USP32: variants seen among roughly 807,000 people sequenced by gnomAD.
USP32 encodes ubiquitin specific peptidase 32.
A neutral mutation model predicts 204.8 loss-of-function variants in USP32; 59 were observed. The ratio of observed to expected loss-of-function variants is 0.29; its 90% CI spans 0.23 to 0.36. USP32 has a LOEUF of 0.36. USP32 is among the 10% of genes least tolerant of loss of function. The probability of loss-of-function intolerance (pLI) is 1.00; values close to 1 mark genes in which losing one functional copy is unlikely to be tolerated. For missense variants in USP32, 1,160 were observed against 1,946.4 expected, an observed-to-expected ratio of 0.60 and a Z score of 7.60; for synonymous variants, 517 against 678.4, an observed-to-expected ratio of 0.76 and a Z score of 3.70.
chr17:60,299,726 C>G (rs1240339959), intron 3 of USP32, among the ~76,000 whole-genome samples: 1 of 152,182 alleles, frequency 6.6e-6, no homozygotes, highest in Non-Finnish European at 1.5e-5. Flanking sequence ...AGTCTCAGGG[C>G]AGCAGCTTAG....
At chr17:60,187,527 T>C (rs2084280651) in intron 29 of USP32, among the ~76,000 whole-genome samples, 1 of 152,212 alleles carries the variant, frequency 6.6e-6, no homozygotes, top group Non-Finnish European at 1.5e-5. Flanking sequence ...TCATATACGG[T>C]AGTGTTTCCT....
At chr17:60,289,293 C>T (rs979731788) in intron 4 of USP32, among the ~76,000 whole-genome samples, 2 of 152,340 alleles carry the variant, frequency 1.3e-5, no homozygotes, top group South Asian at 2.1e-4. Context: ...CAGGCATGAG[C>T]CACCGTGCCC....
At chr17:60,369,034 G>A (rs1033904323) in intron 1 of USP32, among the ~76,000 whole-genome samples, 4 of 115,958 alleles carry the variant, frequency 3.4e-5, no homozygotes, top group African/African-American at 1.4e-4. Flanking sequence ...TCGCTCTGTC[G>A]CCCAGGCTGG....
upstream of USP32, among the ~76,000 whole-genome samples, chr17:60,394,753 TA>T (rs1328405187): frequency 6.6e-6 from 1 of 152,138 alleles, no homozygotes; most frequent in Admixed American, 6.6e-5. Context: ...TTTATTTATT[TA>T]TTTTTTTGAG....
chr17:60,240,387 C>T (rs749709123), intron 11 of USP32, among the ~76,000 whole-genome samples: 66 of 151,108 alleles, frequency 4.4e-4, no homozygotes, highest in Non-Finnish European at 8.0e-4. Context: ...CACTTGTGTT[C>T]GAAGAGCTAG....
At chr17:60,421,845 G>C (rs2090120466) in intron 1 of USP32, 1 of 985,226 alleles carries the variant, frequency 1.0e-6, no homozygotes, top group Admixed American at 6.1e-5. Context: ...CCGCCTGGTG[G>C]CTGCGCACAC....
chr17:60,291,577 A>G (rs1403331488), intron 4 of USP32, among the ~76,000 whole-genome samples: 1 of 150,678 alleles, frequency 6.6e-6, no homozygotes, highest in Non-Finnish European at 1.5e-5. Context: ...GTGTGTATAA[A>G]CACAAAAACA....
At chr17:60,273,446 G>T (rs2145795715) in intron 5 of USP32, among the ~76,000 whole-genome samples, 1 of 152,220 alleles carries the variant, frequency 6.6e-6, no homozygotes, top group African/African-American at 2.4e-5. Flanking sequence ...CTAGAGTAAA[G>T]GCTACTCTAA....
At chr17:60,380,290 G>A (rs1244419076) in intron 1 of USP32, among the ~76,000 whole-genome samples, 1 of 152,222 alleles carries the variant, frequency 6.6e-6, no homozygotes, top group Non-Finnish European at 1.5e-5. Context: ...AAAGAAGCTA[G>A]GTGCAGTGGC....
chr17:60,345,654 G>T, intron 1 of USP32, 46 bp from the exon 2 acceptor site: 2 of 1,611,866 alleles, frequency 1.2e-6, no homozygotes, highest in Non-Finnish European at 1.7e-6. Context: ...GGAGAGAAAA[G>T]AGGTGTCTCA....
chr17:60,296,162 A>G (rs1201626203), intron 3 of USP32, among the ~76,000 whole-genome samples: 1 of 152,210 alleles, frequency 6.6e-6, no homozygotes, highest in Admixed American at 6.5e-5. Flanking sequence ...GTTAAGAAAT[A>G]GTTAAGCTAG....
At chr17:60,277,893 TA>T (rs60396534) in intron 5 of USP32, among the ~76,000 whole-genome samples, 1 of 148,620 alleles carries the variant, frequency 6.7e-6, no homozygotes, top group South Asian at 2.1e-4. Flanking sequence ...ATATGACTAT[TA>T]AAAAAATAAC....
chr17:60,179,342 T>A lies in USP32; in HGVS notation c.4728A>T (p.Pro1576=). The change falls in exon 34 of 34, where the codon CCA becomes CCT. Residue 1576 remains proline, a synonymous_variant. Transcript: ENST00000300896. ...QQGIDYAQFL[P]KTDGKKMADT... ...CTGCCATCTTTTTGCCATCAGTCTT[T>A]GGCAGAAATTGTGCATAGTCTATCC... 1 of 1,613,882 alleles carries A rather than the reference T, an allele frequency of 6.2e-7. No homozygotes were observed. Among genetic ancestry groups the A allele is most frequent in the Non-Finnish European group, 8.5e-7 (1 of 1,179,866 alleles).
At chr17:60,214,534 A>C (rs1567772816) in intron 17 of USP32, 86 bp downstream of exon 17, 2 of 1,300,644 alleles carry the variant, frequency 1.5e-6, no homozygotes. Flanking sequence ...GGAACAATAC[A>C]AAGAAGTTTA....
At chr17:60,409,504 G>A (rs147471684) in intron 1 of USP32, among the ~76,000 whole-genome samples, 4 of 152,248 alleles carry the variant, frequency 2.6e-5, no homozygotes, top group Admixed American at 6.5e-5. Flanking sequence ...AAAAAAAGAG[G>A]GTTACCTAAT....
At chr17:60,353,441 C>G (rs1305048675) in intron 1 of USP32, among the ~76,000 whole-genome samples, 3 of 152,164 alleles carry the variant, frequency 2.0e-5, no homozygotes, top group African/African-American at 7.2e-5. Flanking sequence ...ACCAACTCCT[C>G]CATTTTAATT....
intron 29 of USP32, among the ~76,000 whole-genome samples, chr17:60,190,255 C>T (rs577325136): frequency 1.3e-5 from 2 of 152,302 alleles, no homozygotes; most frequent in South Asian, 4.1e-4. Context: ...AGGACCATGT[C>T]CTTGAACTTC....
intron 5 of USP32, among the ~76,000 whole-genome samples, chr17:60,285,228 TAG>T (rs1192899901): frequency 6.6e-6 from 1 of 152,174 alleles, no homozygotes; most frequent in Non-Finnish European, 1.5e-5. Context: ...TAAGGTAAGT[TAG>T]AGTTTACACA....
chr17:60,263,504 A>T (rs968307051), intron 9 of USP32, among the ~76,000 whole-genome samples: 3 of 152,264 alleles, frequency 2.0e-5, no homozygotes, highest in Non-Finnish European at 4.4e-5. Flanking sequence ...CTATTTCATT[A>T]TCATGGTTAC....
Sources: allele counts gnomAD v4.1 joint callset (sites outside exome capture counted in the v4.1 genomes callset), GRCh38; gene constraint gnomAD v4.1.1; transcripts MANE v1.5; gene names NCBI Gene and HGNC (gene_info 2026-07-23, HGNC 2026-07-21).